The following PTPRN2 variants were observed in gnomAD, a reference collection of about 807,000 sequenced individuals.
PTPRN2 encodes the protein protein tyrosine phosphatase receptor type N2.
In PTPRN2, 74 loss-of-function variants were observed where a neutral mutation model predicts 118.8. The ratio of observed to expected loss-of-function variants is 0.62; its 90% CI spans 0.52 to 0.76. The LOEUF is 0.76. Ranked by LOEUF, PTPRN2 falls within the 30% of genes least tolerant of loss-of-function variation. The probability of loss-of-function intolerance (pLI) is 0.00; values close to 1 mark genes in which losing one functional copy is unlikely to be tolerated. For missense variants in PTPRN2, 1,481 were observed against 1,394.4 expected, an observed-to-expected ratio of 1.06 and a Z score of -0.99; for synonymous variants, 641 against 608.0, an observed-to-expected ratio of 1.05 and a Z score of -0.80.
chr7:157,657,010 G>A (rs867858602), intron 13 of PTPRN2, among the ~76,000 whole-genome samples: 32 of 41,254 alleles, frequency 7.8e-4, no homozygotes, highest in South Asian at 1.5e-3. Context: ...ACACACATAC[G>A]CCACACACAC....
intron 10 of PTPRN2, among the ~76,000 whole-genome samples, chr7:158,099,912 A>T (rs968000884): frequency 7.1e-6 from 1 of 141,068 alleles, no homozygotes; most frequent in African/African-American, 2.7e-5. Flanking sequence ...CATTGTGTTC[A>T]TGAAATAAAC....
chr7:158,164,196 TAAGA>T (rs2150579754), intron 6 of PTPRN2, among the ~76,000 whole-genome samples: 1 of 150,220 alleles, frequency 6.7e-6, no homozygotes, highest in East Asian at 1.9e-4. Context: ...CCCCGGTGCA[TAAGA>T]AAGGCACACA....
chr7:157,911,158 G>A (rs983858524), intron 11 of PTPRN2, among the ~76,000 whole-genome samples: 10 of 152,292 alleles, frequency 6.6e-5, no homozygotes, highest in East Asian at 1.9e-4. Context: ...TATCGTGAAC[G>A]GGGGCTGATG....
intron 2 of PTPRN2, among the ~76,000 whole-genome samples, chr7:158,326,845 T>A (rs568854712): frequency 1.5e-5 from 1 of 67,792 alleles, no homozygotes; most frequent in Non-Finnish European, 3.0e-5. Flanking sequence ...TCACATGCAT[T>A]CTCACACACA....
intron 1 of PTPRN2, among the ~76,000 whole-genome samples, chr7:158,499,156 A>G (rs1822171145): frequency 6.6e-6 from 1 of 152,186 alleles, no homozygotes; most frequent in Admixed American, 6.5e-5. Context: ...AATGTGAGTT[A>G]TATCATCATT....
chr7:158,328,034 A>AG (rs1362417230), intron 2 of PTPRN2, among the ~76,000 whole-genome samples: 4 of 152,320 alleles, frequency 2.6e-5, no homozygotes, highest in African/African-American at 9.6e-5. Flanking sequence ...AATTCTCCAG[A>AG]GGGAGAAAAA....
At chr7:158,039,338 A>C (rs551305597) in intron 11 of PTPRN2, among the ~76,000 whole-genome samples, 8 of 152,326 alleles carry the variant, frequency 5.3e-5, no homozygotes, top group South Asian at 4.1e-4. Context: ...GAGGAAAAGA[A>C]AAAGCTGAGA....
At chr7:158,014,326 C>G (rs1329971266) in intron 11 of PTPRN2, among the ~76,000 whole-genome samples, 1 of 151,114 alleles carries the variant, frequency 6.6e-6, no homozygotes, top group Non-Finnish European at 1.5e-5. Context: ...ATCCATCCCT[C>G]ATCCATCATT....
chr7:158,043,101 C>T (rs1192070690), intron 11 of PTPRN2, among the ~76,000 whole-genome samples: 4 of 152,096 alleles, frequency 2.6e-5, no homozygotes, highest in African/African-American at 9.7e-5. Flanking sequence ...GTTCCAGCTA[C>T]TCGGGAGGCT....
chr7:157,817,750 G>T (rs999041641), intron 12 of PTPRN2, among the ~76,000 whole-genome samples: 7 of 152,176 alleles, frequency 4.6e-5, no homozygotes, highest in Non-Finnish European at 1.0e-4. Context: ...ATGCACGTGT[G>T]TGTCTATGTG....
At chr7:158,407,144 C>T (rs1477740677) in intron 2 of PTPRN2, among the ~76,000 whole-genome samples, 1 of 111,582 alleles carries the variant, frequency 9.0e-6, no homozygotes, top group Admixed American at 9.5e-5. Context: ...CTGCGTCCTG[C>T]GTCCTGGGTC....
At chr7:158,100,093 A>G (rs1056512076) in intron 10 of PTPRN2, among the ~76,000 whole-genome samples, 22 of 151,890 alleles carry the variant, frequency 1.4e-4, no homozygotes, top group African/African-American at 5.3e-4. Flanking sequence ...TCACATCCTC[A>G]TAGCTCAGCT....
intron 3 of PTPRN2, among the ~76,000 whole-genome samples, chr7:158,314,858 C>CA (rs1459331962): frequency 6.7e-6 from 1 of 148,566 alleles, no homozygotes; most frequent in Non-Finnish European, 1.5e-5. Flanking sequence ...GAACCCGGAA[C>CA]CCCTGTAGGA....
At chr7:158,386,117 GAGTCCCTCCTCCCATGCCCCA>G (rs1207972311) in intron 2 of PTPRN2, among the ~76,000 whole-genome samples, 2 of 125,058 alleles carry the variant, frequency 1.6e-5, no homozygotes, top group Non-Finnish European at 3.2e-5. Context: ...CCCATGCCCA[GAGTCCCTCCTCCCATGCCCCA>G]AGTCCCTCCT....
chr7:158,206,817 T>C (rs974182802), intron 3 of PTPRN2, among the ~76,000 whole-genome samples: 46 of 151,818 alleles, frequency 3.0e-4, no homozygotes, highest in Admixed American at 2.7e-3. Context: ...ATTTATTTTT[T>C]ATTATTATAC....
intron 11 of PTPRN2, among the ~76,000 whole-genome samples, chr7:157,980,683 C>T (rs1458173988): frequency 4.6e-5 from 7 of 152,082 alleles, no homozygotes; most frequent in Admixed American, 1.3e-4. Context: ...CCTGGCTGGG[C>T]GGAGGTTGCA....
chr7:157,604,131 AC>A (rs1422324129), intron 15 of PTPRN2, 56 bp from the exon 16 acceptor site: 37 of 1,552,598 alleles, frequency 2.4e-5, no homozygotes, highest in African/African-American at 6.8e-5. Flanking sequence ...GCAGTGTGAG[AC>A]CCCCACTTGG....
chr7:157,776,219 C>CT (rs1803218716), intron 12 of PTPRN2, among the ~76,000 whole-genome samples: 2 of 142,956 alleles, frequency 1.4e-5, no homozygotes, highest in Admixed American at 1.4e-4. Flanking sequence ...TCCATCTCCT[C>CT]CTCCTCCTTC....
intron 13 of PTPRN2, chr7:157,669,590 G>A (rs562249277): frequency 4.1e-6 from 2 of 482,944 alleles, no homozygotes; most frequent in East Asian, 6.2e-5. Context: ...CAAACAAGCC[G>A]AGTCAGCCCA....
Sources: allele counts gnomAD v4.1 joint callset (sites outside exome capture counted in the v4.1 genomes callset), GRCh38; gene constraint gnomAD v4.1.1; transcripts MANE v1.5; gene names NCBI Gene and HGNC (gene_info 2026-07-23, HGNC 2026-07-21).